Variants in DSCAM observed in about 807,000 individuals in gnomAD.
DSCAM encodes cell adhesion molecule DSCAM.
A neutral mutation model predicts 217.7 loss-of-function variants in DSCAM; 47 were observed. That is an observed-to-expected ratio of 0.22 (90% CI 0.17 to 0.28). The LOEUF (loss-of-function observed/expected upper bound fraction) is 0.28. Among genes scored for constraint, DSCAM ranks in the 10% least tolerant of loss-of-function variants. DSCAM has a pLI of 1.00. For synonymous variants in DSCAM, 1,056 were observed against 1,015.3 expected, an observed-to-expected ratio of 1.04 and a Z score of -0.76; for missense variants, 2,080 against 2,618.3, an observed-to-expected ratio of 0.79 and a Z score of 4.49.
chr21:40,542,237 A>G (rs923407504), intron 3 of DSCAM, among the ~76,000 whole-genome samples: 4 of 152,218 alleles, frequency 2.6e-5, no homozygotes, highest in African/African-American at 9.6e-5. Context: ...CTATCTATAC[A>G]TATCGTTGGG....
At chr21:40,121,144 C>T (rs1018035025) in intron 20 of DSCAM, among the ~76,000 whole-genome samples, 10 of 152,066 alleles carry the variant, frequency 6.6e-5, no homozygotes, top group African/African-American at 1.9e-4. Context: ...GGTGGTCATT[C>T]GCACACATAG....
intron 1 of DSCAM, among the ~76,000 whole-genome samples, chr21:40,754,738 G>T (rs1189769922): frequency 1.3e-5 from 2 of 152,206 alleles, no homozygotes; most frequent in African/African-American, 4.8e-5. Context: ...CTCCAGGCAG[G>T]CACCAACAGC....
chr21:40,159,830 G>A (rs959124704), intron 16 of DSCAM, among the ~76,000 whole-genome samples: 8 of 152,168 alleles, frequency 5.3e-5, no homozygotes, highest in Non-Finnish European at 1.2e-4. Flanking sequence ...TGATCTGCCC[G>A]CCTTGGCTTC....
chr21:40,239,868 C>T (rs976111595), intron 11 of DSCAM, among the ~76,000 whole-genome samples: 1 of 152,196 alleles, frequency 6.6e-6, no homozygotes, highest in African/African-American at 2.4e-5. Flanking sequence ...GTATTCCATG[C>T]TTGTCTAACA....
In DSCAM at chr21:40,538,129, G is replaced by C. The variant is rs1433708502; in HGVS notation, c.508+154681C>G. 7.9e-5 allele frequency among the ~76,000 whole-genome samples: 12 copies of C among 152,274 alleles called. No homozygotes were observed. The East Asian group carries it at 1.9e-3, about 25-fold the overall frequency. ...CACTCAGTTGGGTAAAGGTCTGCTT[G>C]ACAGCCAAATAATTTGGGGATAGCC... On this transcript the variant is annotated intron_variant, in intron 3 of 32. Transcript: ENST00000400454.
intron 32 of DSCAM, among the ~76,000 whole-genome samples, chr21:40,018,692 T>C (rs946086522): frequency 6.6e-5 from 10 of 152,210 alleles, no homozygotes; most frequent in African/African-American, 2.2e-4. Context: ...ACTCATAATA[T>C]CTGCATCCTG....
At chr21:40,779,381 C>T (rs1380457027) in intron 1 of DSCAM, among the ~76,000 whole-genome samples, 4 of 152,116 alleles carry the variant, frequency 2.6e-5, no homozygotes, top group Admixed American at 1.3e-4. Flanking sequence ...TTGGTTCAGA[C>T]GTCAGTATTA....
chr21:40,542,964 G>T (rs954887502), intron 3 of DSCAM, among the ~76,000 whole-genome samples: 12 of 152,198 alleles, frequency 7.9e-5, no homozygotes, highest in Middle Eastern at 3.4e-3. Flanking sequence ...GGCCTCTGCG[G>T]TGGTGCTGAT....
At chr21:40,401,583 T>C (rs901943184) in intron 3 of DSCAM, among the ~76,000 whole-genome samples, 5 of 152,188 alleles carry the variant, frequency 3.3e-5, no homozygotes, top group African/African-American at 1.2e-4. Context: ...GTTTTGACCT[T>C]GCAAATCCCT....
intron 8 of DSCAM, among the ~76,000 whole-genome samples, chr21:40,323,531 AG>A (rs1231717977): frequency 5.9e-5 from 9 of 152,230 alleles, no homozygotes; most frequent in Non-Finnish European, 1.2e-4. Context: ...GAATAAAAAA[AG>A]AAGCAAGGGA....
rs1359991460 is a variant in DSCAM, at chr21:40,353,717, G to A, written c.682C>T (p.Leu228=). Reference sequence around the variant, plus strand: ...GCTTTGCGATGGTCAAACCCATCCAGTATGGATGGGGCTGAGTTCGCTGGG... The same window carrying A: ...GCTTTGCGATGGTCAAACCCATCCAATATGGATGGGGCTGAGTTCGCTGGG... ...SDPANSAPSI[L]DGFDHRKAMA... Residue 228 remains leucine, a synonymous_variant, in exon 5 of 33, where the codon CTG becomes TTG. Coordinates refer to ENST00000400454, the MANE Select transcript of DSCAM (RefSeq NM_001389.5). 14 of 1,579,976 alleles carry A rather than the reference G, an allele frequency of 8.9e-6. No homozygotes were observed. The highest frequency in any genetic ancestry group is 1.2e-5 in the Non-Finnish European group (14 of 1,168,128).
rs867111115 is a variant in DSCAM at position 40,440,269 on chromosome 21, G to A, written c.509-71024C>T. 1.6e-4 allele frequency among the ~76,000 whole-genome samples: 24 copies of A among 151,810 alleles called. 1 individual carries two copies. Among genetic ancestry groups the A allele is most frequent in the South Asian group, 8.4e-4 (4 of 4,770 alleles). ...AGAAGGGTAATCACAAATGTTAAAG[G>A]CTCCAAAGTCCAAAGGCTCAGGCCT... On this transcript the variant is annotated intron_variant, in intron 3 of 32. Transcript: ENST00000400454.
intron 3 of DSCAM, among the ~76,000 whole-genome samples, chr21:40,488,622 A>G (rs1425913425): frequency 6.6e-6 from 1 of 152,196 alleles, no homozygotes; most frequent in Non-Finnish European, 1.5e-5. Context: ...ATCTCACTAA[A>G]GACGCCACTG....
intron 3 of DSCAM, among the ~76,000 whole-genome samples, chr21:40,599,346 A>G (rs2077045339): frequency 6.6e-6 from 1 of 152,112 alleles, no homozygotes; most frequent in African/African-American, 2.4e-5. Flanking sequence ...TGCATTAGCT[A>G]TTTATCCTAA....
chr21:40,686,453 C>T (rs1380332624), intron 3 of DSCAM, among the ~76,000 whole-genome samples: 2 of 152,086 alleles, frequency 1.3e-5, no homozygotes, highest in Non-Finnish European at 2.9e-5. Context: ...TGTGGACACG[C>T]ACATCACACA....
At chr21:40,134,148 G>A in intron 18 of DSCAM, 139 bp from the exon 19 acceptor site, 1 of 1,103,336 alleles carries the variant, frequency 9.1e-7, no homozygotes, top group Non-Finnish European at 1.3e-6. Context: ...TTCTCAAAGG[G>A]ACTGTGCACA....
intron 4 of DSCAM, among the ~76,000 whole-genome samples, chr21:40,353,973 C>T (rs1295438189): frequency 6.6e-6 from 1 of 152,158 alleles, no homozygotes; most frequent in Non-Finnish European, 1.5e-5. Flanking sequence ...TTGGTCATTC[C>T]TCAGTAAATG....
intron 3 of DSCAM, among the ~76,000 whole-genome samples, chr21:40,536,802 T>G (rs2052685952): frequency 6.6e-6 from 1 of 152,166 alleles, no homozygotes; most frequent in Non-Finnish European, 1.5e-5. Flanking sequence ...AGTTTTGGGA[T>G]GCGTAAAGAG....
chr21:40,775,914 C>A (rs931582614), intron 1 of DSCAM, among the ~76,000 whole-genome samples: 4 of 152,172 alleles, frequency 2.6e-5, no homozygotes, highest in African/African-American at 4.8e-5. Context: ...GGTTGTTCAT[C>A]ATGGTATTTC....
Sources: gnomAD v4.1 joint callset for allele counts (sites outside exome capture counted in the v4.1 genomes callset) on GRCh38, gnomAD v4.1.1 for gene constraint, MANE v1.5 for transcripts, NCBI Gene and HGNC (gene_info 2026-07-23, HGNC 2026-07-21) for gene names.